Variants in NUP210L observed in about 807,000 individuals in gnomAD.
NUP210L encodes nucleoporin 210 like, also known as nuclear pore membrane glycoprotein 210-like.
Under a neutral mutation model 208.5 loss-of-function variants are expected in NUP210L, and 74 were observed. That is an observed-to-expected ratio of 0.35 (90% CI 0.29 to 0.43). The LOEUF (loss-of-function observed/expected upper bound fraction) is 0.43, where lower values mean the gene tolerates loss of function less well. Among genes scored for constraint, NUP210L ranks in the 20% least tolerant of loss-of-function variants. The pLI, the probability that NUP210L is intolerant of heterozygous loss-of-function variation, is 1.00. For missense variants in NUP210L, 1,843 were observed against 2,289.4 expected, an observed-to-expected ratio of 0.81 and a Z score of 3.98; for synonymous variants, 780 against 816.9, an observed-to-expected ratio of 0.95 and a Z score of 0.77.
At chr1:154,056,325 A>G (rs1306514268) in intron 23 of NUP210L, among the ~76,000 whole-genome samples, 1 of 152,032 alleles carries the variant, frequency 6.6e-6, no homozygotes, top group Non-Finnish European at 1.5e-5. Flanking sequence ...TGTTTTTCCA[A>G]ATTTTCTATA....
At chr1:154,008,089 C>T (rs1234892261) in intron 35 of NUP210L, among the ~76,000 whole-genome samples, 1 of 150,870 alleles carries the variant, frequency 6.6e-6, no homozygotes, top group Non-Finnish European at 1.5e-5. Flanking sequence ...CCAGGCTGGT[C>T]TCAAACTCCT....
intron 7 of NUP210L, 101 bp downstream of exon 7, chr1:154,135,713 G>A (rs998864652): frequency 4.0e-5 from 43 of 1,082,120 alleles, no homozygotes; most frequent in Non-Finnish European, 5.5e-5. Context: ...GAGCCACCGC[G>A]CCCGGCCATA....
rs1658131007 is a variant in NUP210L, at chr1:154,129,260, A to C, written c.1078+17T>G. 1 of 1,521,212 alleles carries C rather than the reference A, an allele frequency of 6.6e-7. No homozygotes were observed. The highest frequency in any genetic ancestry group is 1.4e-5 in the African/African-American group (1 of 72,856). The allele number at this position is 1,521,212 out of a possible 1,614,324, so 94.2% of individuals were successfully genotyped here. ...ATTTAAGCTATCCACCTTTCTGAAAAGTATGATCTAAAATACCTAAAAATC... is the reference window on the plus strand; with the variant it reads ...ATTTAAGCTATCCACCTTTCTGAAACGTATGATCTAAAATACCTAAAAATC... On this transcript the variant is annotated intron_variant, in intron 8 of 39. Coordinates refer to ENST00000368559, the Ensembl canonical transcript of NUP210L.
At chr1:154,025,584 T>C in exon 30 of NUP210L, 1 of 1,613,802 alleles carries the variant, frequency 6.2e-7, no homozygotes, top group Non-Finnish European at 8.5e-7. Flanking sequence ...CAAAAGGTTC[T>C]ATAGAAGTGA....
intron 25 of NUP210L, among the ~76,000 whole-genome samples, chr1:154,053,795 C>T (rs571151010): frequency 6.3e-4 from 96 of 152,252 alleles, no homozygotes; most frequent in African/African-American, 2.2e-3. Context: ...TGGCTCTCAG[C>T]TCTGAAGGCT....
chr1:154,117,719 G>A lies in NUP210L; in HGVS notation c.1620+6C>T, dbSNP rs762887665. 49 of 1,606,994 alleles carry A rather than the reference G, an allele frequency of 3.0e-5. No homozygotes were observed. Among genetic ancestry groups the A allele is most frequent in the Non-Finnish European group, 3.8e-5 (45 of 1,175,276 alleles). ...GGGTAATAAGAATATCTGGAGAGTC[G>A]TTTACCTTAATTTCTCCATATCGAA... On this transcript the variant is annotated splice_donor_region_variant and intron_variant, in intron 12 of 39. Transcript: ENST00000368559.
At chr1:154,036,004 A>G (rs1652520683) in intron 27 of NUP210L, among the ~76,000 whole-genome samples, 1 of 152,068 alleles carries the variant, frequency 6.6e-6, no homozygotes, top group Non-Finnish European at 1.5e-5. Flanking sequence ...AAGTGCTGGG[A>G]TTACAGGCGT....
intron 17 of NUP210L, among the ~76,000 whole-genome samples, 154 bp downstream of exon 17, chr1:154,070,119 G>T (rs1315168303): frequency 6.6e-6 from 1 of 152,138 alleles, no homozygotes; most frequent in Non-Finnish European, 1.5e-5. Context: ...ATTAATGGGT[G>T]CAGCAAACCA....
exon 30 of NUP210L, chr1:154,025,547 C>T (rs763955221): frequency 3.7e-6 from 6 of 1,605,606 alleles, no homozygotes; most frequent in East Asian, 4.5e-5. Flanking sequence ...CTCACCTGGA[C>T]CCCAGTTATG....
intron 10 of NUP210L, among the ~76,000 whole-genome samples, chr1:154,119,671 C>T (rs899311331): frequency 6.6e-6 from 1 of 152,016 alleles, no homozygotes; most frequent in Non-Finnish European, 1.5e-5. Context: ...CTTGAGTATG[C>T]GTGGATTTTG....
At chr1:154,099,194 G>A (rs907613723) in intron 14 of NUP210L, among the ~76,000 whole-genome samples, 10 of 152,132 alleles carry the variant, frequency 6.6e-5, no homozygotes, top group Non-Finnish European at 1.2e-4. Flanking sequence ...AGTAGCTGCA[G>A]TTGCATGGCA....
chr1:154,014,806 C>T (rs562007459), intron 33 of NUP210L, among the ~76,000 whole-genome samples: 21 of 152,062 alleles, frequency 1.4e-4, no homozygotes, highest in African/African-American at 4.8e-4. Context: ...GAGTTTGACA[C>T]CAGCCTGGCC....
In NUP210L at chr1:154,049,631, C is replaced by T. The variant is rs149657704; in HGVS notation, c.3484-3262G>A. Among the ~76,000 whole-genome samples, 332 of 152,230 alleles carry T rather than the reference C, an allele frequency of 2.2e-3. 3 individuals carry two copies. The highest frequency in any genetic ancestry group is 7.1e-3 in the African/African-American group (294 of 41,548). ...AGGACACATAGCTCCAGCATTTTCC[C>T]CTTGGAATTCTCCAGTCTTTGTTAT... On this transcript the variant is annotated intron_variant, in intron 25 of 39. Transcript: ENST00000368559.
exon 25 of NUP210L, chr1:154,054,287 C>T: frequency 6.2e-7 from 1 of 1,614,200 alleles, no homozygotes; most frequent in Non-Finnish European, 8.5e-7. Context: ...GTGCCATGAA[C>T]CACAGCTGTG....
intron 35 of NUP210L, among the ~76,000 whole-genome samples, chr1:154,007,812 G>A (rs1423903218): frequency 6.6e-6 from 1 of 151,644 alleles, no homozygotes; most frequent in Non-Finnish European, 1.5e-5. Context: ...CTGACCTCGT[G>A]ATCCGCCTGC....
At chr1:154,148,524 C>A (rs1251644093) in intron 2 of NUP210L, among the ~76,000 whole-genome samples, 5 of 151,942 alleles carry the variant, frequency 3.3e-5, no homozygotes, top group Non-Finnish European at 2.9e-5. Context: ...TTGGAGGAGA[C>A]AAAGGAAACA....
chr1:154,058,608 C>A (rs758842188), exon 21 of NUP210L: 8 of 1,613,984 alleles, frequency 5.0e-6, no homozygotes, highest in Non-Finnish European at 6.8e-6. Context: ...GTCTGACACC[C>A]TGAGGTGGGC....
chr1:154,020,247 A>C (rs929655872), intron 32 of NUP210L, among the ~76,000 whole-genome samples: 1 of 152,268 alleles, frequency 6.6e-6, no homozygotes, highest in Non-Finnish European at 1.5e-5. Context: ...ACCATACATT[A>C]CTACAAGCAG....
intron 35 of NUP210L, among the ~76,000 whole-genome samples, chr1:154,006,899 C>CAT (rs1186038199): frequency 8.0e-6 from 1 of 125,560 alleles, no homozygotes; most frequent in African/African-American, 3.0e-5. Flanking sequence ...TACACATATA[C>CAT]ATATATATAC....
Sources: allele counts gnomAD v4.1 joint callset (sites outside exome capture counted in the v4.1 genomes callset), GRCh38; gene constraint gnomAD v4.1.1; transcripts MANE v1.5; gene names NCBI Gene and HGNC (gene_info 2026-07-23, HGNC 2026-07-21).